Variants in KATNIP observed in about 807,000 individuals in gnomAD.
The protein encoded by KATNIP is katanin interacting protein.
In KATNIP, 126 loss-of-function variants were observed where a neutral mutation model predicts 174.0. The observed-to-expected ratio is 0.72, with a 90% CI of 0.63 to 0.84. KATNIP has a LOEUF of 0.84. KATNIP is among the 40% of genes least tolerant of loss of function. KATNIP has a pLI of 0.00. For synonymous variants in KATNIP, 810 were observed against 835.7 expected (o/e 0.97, Z 0.53); for missense variants, 1,958 against 2,109.7 (o/e 0.93, Z 1.41).
At chr16:27,615,706 T>C (rs1276269635) in intron 2 of KATNIP, among the ~76,000 whole-genome samples, 1 of 152,108 alleles carries the variant, frequency 6.6e-6, no homozygotes, top group African/African-American at 2.4e-5. Context: ...AGAAAAGGAA[T>C]GCCCATCATT....
chr16:27,751,680 A>G, intron 16 of KATNIP, 39 bp from the exon 17 acceptor site: 1 of 1,593,636 alleles, frequency 6.3e-7, no homozygotes, highest in Non-Finnish European at 8.6e-7. Flanking sequence ...CTGGGATGTG[A>G]AGTGAGTTGA....
At chr16:27,584,870 T>C (rs1350221396) in intron 2 of KATNIP, among the ~76,000 whole-genome samples, 1 of 152,182 alleles carries the variant, frequency 6.6e-6, no homozygotes. Context: ...ATATTATCCT[T>C]ATCTTACATG....
chr16:27,564,055 C>A (rs529591934), intron 1 of KATNIP, among the ~76,000 whole-genome samples: 8 of 151,852 alleles, frequency 5.3e-5, no homozygotes, highest in Admixed American at 3.3e-4. Flanking sequence ...CAGAGCAAGA[C>A]CCTGTCTGGA....
intron 5 of KATNIP, among the ~76,000 whole-genome samples, chr16:27,636,330 A>G (rs75736432): frequency 0.014 from 2,157 of 152,276 alleles, 20 homozygotes; most frequent in Non-Finnish European, 0.023. Context: ...CCAGAGCTTC[A>G]GTGGTGAGGC....
Position 27,745,529 on chromosome 16 carries a change from T to C in KATNIP, c.2624-4055T>C, listed in dbSNP as rs116454551. On this transcript the variant is annotated intron_variant, in intron 15 of 27. Transcript: ENST00000261588. ...TGGTCTACTTGGGTCAGGTGTCCAC[T>C]CCTTGTCCAATCAGTTATGGCCAAA... is the stretch of plus-strand genomic sequence containing the variant. Among the ~76,000 whole-genome samples, 1,373 of 152,358 alleles carry C rather than the reference T, an allele frequency of 9.0e-3. 18 individuals carry two copies. Among genetic ancestry groups the C allele is most frequent in the African/African-American group, 0.031 (1,287 of 41,590 alleles).
intron 8 of KATNIP, among the ~76,000 whole-genome samples, chr16:27,686,762 C>G (rs1407977400): frequency 1.3e-5 from 2 of 151,038 alleles, no homozygotes; most frequent in Non-Finnish European, 3.0e-5. Flanking sequence ...TATTATTATT[C>G]TAGTCATTAC....
chr16:27,554,854 C>T (rs752485462), intron 1 of KATNIP, among the ~76,000 whole-genome samples: 7 of 140,966 alleles, frequency 5.0e-5, no homozygotes, highest in Non-Finnish European at 1.0e-4. Context: ...AGTACAGTGG[C>T]GTGATCTTGG....
At chr16:27,576,619 A>G (rs539948524) in intron 2 of KATNIP, among the ~76,000 whole-genome samples, 1 of 152,080 alleles carries the variant, frequency 6.6e-6, no homozygotes, top group African/African-American at 2.4e-5. Context: ...CTACTAAAAA[A>G]CAATTATTAA....
In KATNIP at chr16:27,777,253, TC is replaced by T. The variant is rs900213601; in HGVS notation, c.4551+225del. ...GAGCAAATAGAAAGTGGGTTTTCTT[TC>T]GTCTTTTCCTCTAGAATCCCACTGG... is the stretch of plus-strand genomic sequence containing the variant. On this transcript the variant is annotated intron_variant, in intron 25 of 27. Transcript: ENST00000261588. The surrounding 1 kb of genome is among the most constrained non-coding windows in gnomAD (Gnocchi z 4.4). 1.1e-4 allele frequency among the ~76,000 whole-genome samples: 17 copies of T among 152,188 alleles called. No individual in the cohort carries two copies. The highest frequency in any genetic ancestry group is 3.4e-4 in the African/African-American group (14 of 41,446).
intron 1 of KATNIP, among the ~76,000 whole-genome samples, chr16:27,571,432 C>G (rs1284158450): frequency 6.6e-6 from 1 of 151,348 alleles, no homozygotes; most frequent in Non-Finnish European, 1.5e-5. Context: ...AAAGATGATT[C>G]AGCCTAACTC....
intron 8 of KATNIP, among the ~76,000 whole-genome samples, chr16:27,696,680 A>G (rs2078922977): frequency 6.7e-6 from 1 of 149,570 alleles, no homozygotes; most frequent in Admixed American, 6.6e-5. Context: ...ATTCTTTTTT[A>G]TGGCTGTATA....
At chr16:27,600,925 G>A (rs1297148849) in intron 2 of KATNIP, among the ~76,000 whole-genome samples, 1 of 151,896 alleles carries the variant, frequency 6.6e-6, no homozygotes. Context: ...TAGAGACAGG[G>A]TTTCACCATG....
At chr16:27,641,480 C>T (rs2076796489) in intron 5 of KATNIP, among the ~76,000 whole-genome samples, 3 of 152,132 alleles carry the variant, frequency 2.0e-5, no homozygotes, top group Non-Finnish European at 4.4e-5. Context: ...GCCTGGGTCA[C>T]GTGCTTCCAC....
chr16:27,566,147 T>G (rs1204951335), intron 1 of KATNIP, among the ~76,000 whole-genome samples: 1 of 152,086 alleles, frequency 6.6e-6, no homozygotes, highest in African/African-American at 2.4e-5. Context: ...GCAGCTGTTC[T>G]TAGGACACCT....
chr16:27,724,418 A>G (rs1272460412), intron 14 of KATNIP, among the ~76,000 whole-genome samples: 1 of 152,224 alleles, frequency 6.6e-6, no homozygotes, highest in Non-Finnish European at 1.5e-5. Flanking sequence ...GATAAGCTTC[A>G]TCCCTTTTGG....
intron 13 of KATNIP, among the ~76,000 whole-genome samples, chr16:27,715,730 G>A (rs573546927): frequency 1.2e-4 from 19 of 152,070 alleles, no homozygotes; most frequent in African/African-American, 4.1e-4. Flanking sequence ...AATCAAAACC[G>A]CAATGAGATA....
intron 1 of KATNIP, among the ~76,000 whole-genome samples, chr16:27,558,741 T>G (rs1252090286): frequency 6.6e-6 from 1 of 152,178 alleles, no homozygotes; most frequent in East Asian, 1.9e-4. Context: ...CCAAAAATAT[T>G]TACTATCTGG....
At chr16:27,679,924 C>T (rs2078266968) in intron 7 of KATNIP, among the ~76,000 whole-genome samples, 1 of 152,054 alleles carries the variant, frequency 6.6e-6, no homozygotes, top group Non-Finnish European at 1.5e-5. Context: ...GACCACAGTC[C>T]CTTTCCTCTC....
rs1266016300 is a variant in KATNIP, at chr16:27,769,926, G to A, written c.4041G>A (p.Arg1347=). 1 of 1,614,234 alleles carries A rather than the reference G, an allele frequency of 6.2e-7. No individual in the cohort carries two copies. The highest frequency in any genetic ancestry group is 8.5e-7 in the Non-Finnish European group (1 of 1,180,048). ...CVSPPEGFLI[R]KGPGNCHFDF... ...CCCCGCCAGAGGGCTTTCTCATCCGGAAGGGGCCAGGCAACTGCCACTTTG... is the reference window on the plus strand; with the variant it reads ...CCCCGCCAGAGGGCTTTCTCATCCGAAAGGGGCCAGGCAACTGCCACTTTG... The change falls in exon 21 of 28, where the codon CGG becomes CGA. Residue 1347 remains arginine, a synonymous_variant. Coordinates refer to ENST00000261588, the MANE Select transcript of KATNIP (RefSeq NM_015202.5).
Sources: allele counts gnomAD v4.1 joint callset (sites outside exome capture counted in the v4.1 genomes callset), GRCh38; gene constraint gnomAD v4.1.1; non-coding constraint Gnocchi (gnomAD v3.1); transcripts MANE v1.5; gene names NCBI Gene and HGNC (gene_info 2026-07-23, HGNC 2026-07-21).